The following C6orf62 variants were observed in gnomAD, a reference collection of about 807,000 sequenced individuals.
C6orf62 encodes uncharacterized protein C6orf62.
A neutral mutation model predicts 26.8 loss-of-function variants in C6orf62; 16 were observed. That is an observed-to-expected ratio of 0.60 (90% CI 0.40 to 0.91). The LOEUF is 0.91. Ranked by LOEUF, C6orf62 falls within the 40% of genes least tolerant of loss-of-function variation. C6orf62 has a pLI of 0.00. For synonymous variants in C6orf62, 112 were observed against 91.5 expected (o/e 1.22, Z -1.28); for missense variants, 192 against 271.4 (o/e 0.71, Z 2.06).
intron 1 of C6orf62, among the ~76,000 whole-genome samples, chr6:24,717,323 A>T (rs541696421): frequency 6.6e-6 from 1 of 152,356 alleles, no homozygotes; most frequent in South Asian, 2.1e-4. Flanking sequence ...ATCATCTTCA[A>T]CTAAAATCCA....
upstream of C6orf62, chr6:24,719,674 G>A (rs948063018): frequency 2.9e-5 from 43 of 1,468,194 alleles, no homozygotes; most frequent in African/African-American, 4.7e-4. Context: ...CATTCCCCAA[G>A]GGAGACTTCC....
At position 24,714,333 on chromosome 6, in the gene C6orf62, A is replaced by T. The variant is rs899199051; in HGVS notation, c.414T>A (p.Pro138=). Residue 138 remains proline (P), a synonymous_variant, in exon 3 of 5, where the codon CCT becomes CCA. Coordinates refer to ENST00000378119, the MANE Select transcript of C6orf62 (RefSeq NM_030939.5). The part of the protein sequence containing the change: ...LFSRWKESDE[P]FRPVQAKFEF... ...ACCAAAATACCTGAACAGGCCTAAA[A>T]GGCTCATCAGATTCTTTCCACCTAG... 3 of 1,609,548 alleles carry T rather than the reference A, an allele frequency of 1.9e-6. No homozygotes were observed. In the South Asian group the frequency reaches 3.3e-5, roughly 18 times the overall value.
At chr6:24,720,012 A>AGGGGGGCC, upstream of C6orf62, 5 of 1,463,268 alleles carry the variant, frequency 3.4e-6, no homozygotes, top group Non-Finnish European at 4.6e-6. Flanking sequence ...TTCTAAAGTA[A>AGGGGGGCC]GCCCACCCAC....
At chr6:24,719,869 G>C (rs1405612248), upstream of C6orf62, 2 of 1,353,420 alleles carry the variant, frequency 1.5e-6, no homozygotes, top group East Asian at 3.9e-5. Context: ...CTCGCACCAC[G>C]GGAGACACAG....
chr6:24,708,924 TACA>T lies in C6orf62; in HGVS notation c.430-16_430-14del, dbSNP rs751534525. The T allele has an allele frequency of 1.9e-6, 3 of 1,613,830 alleles. No individual in the cohort carries two copies. Among genetic ancestry groups the T allele is most frequent in the South Asian group, 1.1e-5 (1 of 91,072 alleles). On this transcript the variant is annotated splice_polypyrimidine_tract_variant and intron_variant, in intron 3 of 4. Coordinates refer to ENST00000378119, the MANE Select transcript of C6orf62 (RefSeq NM_030939.5). ...ACTCAAATTTGGCCTAATTACAAAA[TACA>T]ACATTTATATTAAACTACAAACAAG... is the stretch of plus-strand genomic sequence containing the variant.
At position 24,707,518 on chromosome 6, in the gene C6orf62, C is replaced by T. The variant is rs1430642259; in HGVS notation, c.565-1256G>A. On this transcript the variant is annotated intron_variant, in intron 4 of 4. Transcript: ENST00000378119. ...GACCACAGGAACACGCCACAATGTC[C>T]GGCTAATTTCTTTGATTTTTTGTAG... is the stretch of plus-strand genomic sequence containing the variant. Among the ~76,000 whole-genome samples, 8 of 151,842 alleles carry T rather than the reference C, an allele frequency of 5.3e-5. No individual in the cohort carries two copies. In the South Asian group the frequency reaches 8.3e-4, roughly 16 times the overall value.
intron 3 of C6orf62, chr6:24,709,350 T>G: frequency 1.0e-6 from 1 of 985,420 alleles, no homozygotes; most frequent in Non-Finnish European, 1.2e-6. Flanking sequence ...ACCATAGTAC[T>G]TTAAGCCCCA....
At chr6:24,715,866 A>T (rs1779216729) in intron 2 of C6orf62, among the ~76,000 whole-genome samples, 1 of 151,630 alleles carries the variant, frequency 6.6e-6, no homozygotes, top group Admixed American at 6.6e-5. Flanking sequence ...AAAAAAAAAA[A>T]AAAAGTCCGA....
chr6:24,714,746 G>T lies in C6orf62; in HGVS notation c.307-306C>A, dbSNP rs56769163. ...TTCTCGTGACTTAGCCTCCCGAATG[G>T]CTGGGATTACAAGTGTGTGCCACCA... On this transcript the variant is annotated intron_variant, in intron 2 of 4. Transcript: ENST00000378119. 3.6e-3 allele frequency among the ~76,000 whole-genome samples: 552 copies of T among 152,200 alleles called. 3 individuals are homozygous for T. Among genetic ancestry groups the T allele is most frequent in the African/African-American group, 0.013 (539 of 41,526 alleles).
At chr6:24,710,726 T>C (rs890206713) in intron 3 of C6orf62, 1 of 725,012 alleles carries the variant, frequency 1.4e-6, no homozygotes, top group Non-Finnish European at 1.7e-6. Flanking sequence ...TGACTGGGCA[T>C]GGTGGCTCAG....
At chr6:24,713,218 C>T (rs1156851338) in intron 3 of C6orf62, among the ~76,000 whole-genome samples, 1 of 152,192 alleles carries the variant, frequency 6.6e-6, no homozygotes. Context: ...ATTCATATGG[C>T]TTTCACATCA....
At chr6:24,717,752 C>A (rs1200761196) in intron 1 of C6orf62, among the ~76,000 whole-genome samples, 1 of 152,212 alleles carries the variant, frequency 6.6e-6, no homozygotes, top group Admixed American at 6.5e-5. Flanking sequence ...CACCAAAATC[C>A]AAGTAGCACT....
At chr6:24,707,904 G>A (rs925285339) in intron 4 of C6orf62, among the ~76,000 whole-genome samples, 9 of 151,840 alleles carry the variant, frequency 5.9e-5, no homozygotes, top group African/African-American at 1.9e-4. Context: ...CCAGCTACTC[G>A]GGAGGCTGAG....
intron 3 of C6orf62, chr6:24,710,122 T>A (rs1779090566): frequency 1.0e-6 from 1 of 984,768 alleles, no homozygotes; most frequent in African/African-American, 1.7e-5. Flanking sequence ...AAGCATGCTA[T>A]TAGCTACTAA....
At chr6:24,713,983 T>C (rs1007527655) in intron 3 of C6orf62, among the ~76,000 whole-genome samples, 1 of 152,236 alleles carries the variant, frequency 6.6e-6, no homozygotes, top group Non-Finnish European at 1.5e-5. Context: ...CAGTTAAATA[T>C]ACGGTTTTAG....
chr6:24,712,883 G>A (rs1245636318), intron 3 of C6orf62, among the ~76,000 whole-genome samples: 2 of 152,032 alleles, frequency 1.3e-5, no homozygotes, highest in Non-Finnish European at 2.9e-5. Context: ...TTTTCCAGTG[G>A]GAAATCCTTA....
At position 24,708,931 on chromosome 6, in the gene C6orf62, T is replaced by C; in HGVS notation, c.430-20A>G. 4.3e-6 allele frequency: 7 copies of C among 1,613,778 alleles called. No homozygotes were observed. The highest frequency in any genetic ancestry group is 5.9e-6 in the Non-Finnish European group (7 of 1,179,790). On this transcript the variant is annotated intron_variant, in intron 3 of 4. Coordinates refer to ENST00000378119, the MANE Select transcript of C6orf62 (RefSeq NM_030939.5). ...TTTGGCCTAATTACAAAATACAACA[T>C]TTATATTAAACTACAAACAAGTTAT...
chr6:24,707,576 C>T (rs1253121597), intron 4 of C6orf62, among the ~76,000 whole-genome samples: 1 of 152,012 alleles, frequency 6.6e-6, no homozygotes, highest in African/African-American at 2.4e-5. Flanking sequence ...CCAGGCTGGT[C>T]TTGGACTCAA....
chr6:24,715,113 G>A (rs1000377376), intron 2 of C6orf62, among the ~76,000 whole-genome samples: 3 of 152,144 alleles, frequency 2.0e-5, no homozygotes, highest in Non-Finnish European at 4.4e-5. Context: ...CTCCTAATAT[G>A]AATCACTATC....
Sources: gnomAD v4.1 joint callset for allele counts (sites outside exome capture counted in the v4.1 genomes callset) on GRCh38, gnomAD v4.1.1 for gene constraint, MANE v1.5 for transcripts, NCBI Gene and HGNC (gene_info 2026-07-23, HGNC 2026-07-21) for gene names.